TSPAN18: variants seen among roughly 807,000 people sequenced by gnomAD.
TSPAN18 encodes the protein tetraspanin 18, also known as tetraspanin-18.
Under a neutral mutation model 27.3 loss-of-function variants are expected in TSPAN18, and 14 were observed. The observed-to-expected ratio is 0.51, with a 90% CI of 0.34 to 0.80. The LOEUF is 0.80. Among genes scored for constraint, TSPAN18 ranks in the 30% least tolerant of loss-of-function variants. TSPAN18 has a pLI of 0.01. For missense variants in TSPAN18, 268 were observed against 323.9 expected (o/e 0.83, Z 1.32); for synonymous variants, 143 against 136.5 (o/e 1.05, Z -0.33).
intron 2 of TSPAN18, among the ~76,000 whole-genome samples, chr11:44,803,174 C>T (rs1211178239): frequency 6.6e-6 from 1 of 152,140 alleles, no homozygotes; most frequent in Non-Finnish European, 1.5e-5. Context: ...GTAAACAGGG[C>T]AGGAGCAAAA....
At chr11:44,844,478 GC>G (rs1404765472) in intron 2 of TSPAN18, among the ~76,000 whole-genome samples, 6 of 152,204 alleles carry the variant, frequency 3.9e-5, no homozygotes, top group Non-Finnish European at 8.8e-5. Flanking sequence ...AGTTCTAGTT[GC>G]CCTACCTCCT....
chr11:44,815,178 A>T (rs981003600), intron 2 of TSPAN18, among the ~76,000 whole-genome samples: 2 of 152,016 alleles, frequency 1.3e-5, no homozygotes, highest in Non-Finnish European at 2.9e-5. Context: ...TAGGGCAGGC[A>T]CTCCTGGGGG....
chr11:44,726,950 TG>T (rs1590392280), upstream of TSPAN18: 1 of 53,666 alleles, frequency 1.9e-5, no homozygotes, highest in East Asian at 3.6e-4. Context: ...GCCGGCGGGC[TG>T]GCGGGCGTGC....
intron 2 of TSPAN18, among the ~76,000 whole-genome samples, chr11:44,841,374 G>A (rs1394659680): frequency 6.6e-6 from 1 of 152,074 alleles, no homozygotes; most frequent in Non-Finnish European, 1.5e-5. Context: ...AAAATTAGCC[G>A]AGAGTGGTGA....
At chr11:44,827,262 A>T (rs1336176819) in intron 2 of TSPAN18, among the ~76,000 whole-genome samples, 3 of 152,158 alleles carry the variant, frequency 2.0e-5, no homozygotes, top group African/African-American at 7.2e-5. Flanking sequence ...CCCTGATGTT[A>T]CTTACCTACC....
At chr11:44,864,575 C>G (rs1857985640) in intron 3 of TSPAN18, among the ~76,000 whole-genome samples, 2 of 152,206 alleles carry the variant, frequency 1.3e-5, no homozygotes. Context: ...TCAACCCTCC[C>G]TTGCCATCTT....
chr11:44,887,702 C>T (rs970390620), intron 3 of TSPAN18, among the ~76,000 whole-genome samples: 1 of 152,146 alleles, frequency 6.6e-6, no homozygotes. Flanking sequence ...GTTCCAAATA[C>T]CACCTGCTTT....
At chr11:44,729,385 C>T (rs1291498902) in intron 1 of TSPAN18, among the ~76,000 whole-genome samples, 1 of 152,146 alleles carries the variant, frequency 6.6e-6, no homozygotes, top group South Asian at 2.1e-4. Flanking sequence ...CAGCGTTTCC[C>T]GTGTTCTGTC....
intron 3 of TSPAN18, among the ~76,000 whole-genome samples, chr11:44,899,418 C>T (rs1413608824): frequency 1.3e-5 from 2 of 152,208 alleles, no homozygotes; most frequent in East Asian, 1.9e-4. Context: ...TTGAAAATAA[C>T]TTTAGGATGT....
chr11:44,908,287 G>A (rs7924523), intron 4 of TSPAN18, among the ~76,000 whole-genome samples: 59,767 of 151,692 alleles, frequency 0.39, 12,462 homozygotes, highest in East Asian at 0.65. Context: ...TTTTCCTGTC[G>A]CCCAGCTGTC....
In TSPAN18 at chr11:44,903,420, G is replaced by A. The variant is rs896885305; in HGVS notation, c.-10-2987G>A. 20 of 456,414 alleles carry A rather than the reference G, an allele frequency of 4.4e-5. No individual in the cohort carries two copies. In the Middle Eastern group the frequency reaches 9.7e-4, roughly 22 times the overall value. 28.3% of individuals were successfully genotyped at this position (456,414 alleles called of 1,614,324 possible). A position where few individuals can be genotyped will look rare whatever the true frequency, so the allele number is the denominator to read the frequency against. ...CAGGGCAGGAATAACAAGAGGTGGC[G>A]ATGGTGAGTCTTGGAGGTCCTGTGG... On this transcript the variant is annotated intron_variant, in intron 3 of 9. Coordinates refer to ENST00000520358, the MANE Select transcript of TSPAN18 (RefSeq NM_130783.5).
In TSPAN18 at chr11:44,919,273, AG is replaced by A. The variant is rs1860034906; in HGVS notation, c.394del (p.Asp132ThrfsTer11). On this transcript the variant is annotated frameshift_variant, in exon 7 of 10. Coordinates refer to ENST00000520358, the MANE Select transcript of TSPAN18 (RefSeq NM_130783.5). LOFTEE classifies it high-confidence loss of function. ...TKHYQGNNDT[D>X]VFSATWNSVM... Reference sequence around the variant, plus strand: ...AGCACTACCAGGGCAATAACGACACAGACGTCTTCTCTGCCACCTGGAACTC... The same window carrying A: ...AGCACTACCAGGGCAATAACGACACAACGTCTTCTCTGCCACCTGGAACTC... 11 of 1,614,016 alleles carry A rather than the reference AG, an allele frequency of 6.8e-6. No individual in the cohort carries two copies. The East Asian group carries it at 2.2e-4, about 33-fold the overall frequency.
chr11:44,846,739 G>A (rs1226912435), intron 2 of TSPAN18, among the ~76,000 whole-genome samples: 2 of 152,204 alleles, frequency 1.3e-5, no homozygotes, highest in Non-Finnish European at 2.9e-5. Context: ...GGGAAATACA[G>A]CCTCTCCAGG....
chr11:44,910,747 A>G (rs1859677907), intron 5 of TSPAN18, among the ~76,000 whole-genome samples: 1 of 152,190 alleles, frequency 6.6e-6, no homozygotes, highest in Non-Finnish European at 1.5e-5. Context: ...CTGGGTGCTG[A>G]AGATATGTCG....
At chr11:44,755,473 C>T (rs573304892) in intron 1 of TSPAN18, among the ~76,000 whole-genome samples, 197 of 151,956 alleles carry the variant, frequency 1.3e-3, no homozygotes, top group African/African-American at 4.4e-3. Context: ...GTGGAGAGCC[C>T]GGCAGACACT....
At chr11:44,754,517 A>G (rs568692383) in intron 1 of TSPAN18, among the ~76,000 whole-genome samples, 3 of 152,316 alleles carry the variant, frequency 2.0e-5, no homozygotes, top group African/African-American at 7.2e-5. Flanking sequence ...TTCTTCTTGA[A>G]CCATGTGCCA....
chr11:44,902,791 AG>A, intron 3 of TSPAN18, among the ~76,000 whole-genome samples: 1 of 152,290 alleles, frequency 6.6e-6, no homozygotes, highest in South Asian at 2.1e-4. Flanking sequence ...GCGGGGCATT[AG>A]GGGGGCCTGT....
At chr11:44,746,608 T>A (rs531979703) in intron 1 of TSPAN18, among the ~76,000 whole-genome samples, 1 of 151,980 alleles carries the variant, frequency 6.6e-6, no homozygotes, top group Non-Finnish European at 1.5e-5. Context: ...AAAATAAAAA[T>A]TAGCTGCAGA....
At chr11:44,740,498 C>T (rs1209416004) in intron 1 of TSPAN18, among the ~76,000 whole-genome samples, 1 of 152,188 alleles carries the variant, frequency 6.6e-6, no homozygotes, top group East Asian at 1.9e-4. Context: ...GGGGCTGGGA[C>T]TGGGCCACAG....
Sources: gnomAD v4.1 joint callset for allele counts (sites outside exome capture counted in the v4.1 genomes callset) on GRCh38, gnomAD v4.1.1 for gene constraint, MANE v1.5 for transcripts, NCBI Gene and HGNC (gene_info 2026-07-23, HGNC 2026-07-21) for gene names.